The following SMYD3 variants were observed in gnomAD, a reference collection of about 807,000 sequenced individuals.
SMYD3 encodes SET and MYND domain containing 3.
In SMYD3, 36 loss-of-function variants were observed where a neutral mutation model predicts 57.7. That is an observed-to-expected ratio of 0.62 (90% CI 0.48 to 0.82). The LOEUF (loss-of-function observed/expected upper bound fraction) is 0.82. SMYD3 is among the 40% of genes least tolerant of loss of function. SMYD3 has a pLI of 0.00. For synonymous variants in SMYD3, 211 were observed against 195.0 expected (o/e 1.08, Z -0.68); for missense variants, 515 against 538.8 (o/e 0.96, Z 0.44).
Position 246,327,170 on chromosome 1 carries a change from G to A in SMYD3, c.531+31C>T, listed in dbSNP as rs376088410. On this transcript the variant is annotated intron_variant, in intron 5 of 11. Coordinates refer to ENST00000490107, the MANE Select transcript of SMYD3 (RefSeq NM_001167740.2). ...AATAAGGAGCAAATGGTTGATGTAT[G>A]GAATTAGCAAAGAGCAAACTTAACA... The A allele has an allele frequency of 4.3e-6, 7 of 1,611,706 alleles. No homozygotes were observed. The African/African-American group carries it at 9.4e-5, about 22-fold the overall frequency.
chr1:246,155,767 G>T (rs954562676), intron 5 of SMYD3, among the ~76,000 whole-genome samples: 1 of 152,176 alleles, frequency 6.6e-6, no homozygotes, highest in South Asian at 2.1e-4. Flanking sequence ...ATCACTTGAG[G>T]TCAGGAGTTC....
At chr1:245,893,510 A>G (rs1308865820) in intron 8 of SMYD3, among the ~76,000 whole-genome samples, 1 of 150,930 alleles carries the variant, frequency 6.6e-6, no homozygotes, top group African/African-American at 2.4e-5. Flanking sequence ...GTAATGGAAT[A>G]CTACTTGGCA....
intron 10 of SMYD3, among the ~76,000 whole-genome samples, chr1:245,775,724 A>AAT (rs768864613): frequency 0.18 from 26,184 of 143,582 alleles, 2,630 homozygotes; most frequent in East Asian, 0.53. Flanking sequence ...CTAAAAAAAA[A>AAT]AAAAAATAAA....
chr1:245,830,480 TG>T (rs1452788702), intron 10 of SMYD3, among the ~76,000 whole-genome samples: 1 of 152,096 alleles, frequency 6.6e-6, no homozygotes, highest in Non-Finnish European at 1.5e-5. Context: ...CCTTGACATG[TG>T]GGGATTATTA....
intron 5 of SMYD3, among the ~76,000 whole-genome samples, chr1:246,037,913 C>T (rs1432264123): frequency 6.6e-6 from 1 of 152,108 alleles, no homozygotes; most frequent in Non-Finnish European, 1.5e-5. Flanking sequence ...TGTGAAGTGC[C>T]AGATAATAAA....
chr1:246,387,158 A>T (rs1166074592), intron 1 of SMYD3, among the ~76,000 whole-genome samples: 1 of 152,222 alleles, frequency 6.6e-6, no homozygotes, highest in African/African-American at 2.4e-5. Context: ...CTGTGGATAA[A>T]TATCCCTTCT....
At chr1:246,245,868 C>T (rs561365012) in intron 5 of SMYD3, among the ~76,000 whole-genome samples, 42 of 152,172 alleles carry the variant, frequency 2.8e-4, no homozygotes, top group Non-Finnish European at 5.1e-4. Flanking sequence ...TAGTTTTTTT[C>T]CATTTCTGTA....
intron 5 of SMYD3, among the ~76,000 whole-genome samples, chr1:246,231,009 T>G (rs1427296707): frequency 6.6e-6 from 1 of 152,190 alleles, no homozygotes; most frequent in African/African-American, 2.4e-5. Context: ...ATGATGTATA[T>G]TTTCACCTGA....
chr1:246,466,038 C>G (rs1221653747), intron 1 of SMYD3, among the ~76,000 whole-genome samples: 1 of 152,206 alleles, frequency 6.6e-6, no homozygotes, highest in South Asian at 2.1e-4. Flanking sequence ...TCCCAAAGTG[C>G]TGGGATTAGA....
intron 5 of SMYD3, among the ~76,000 whole-genome samples, chr1:246,317,495 G>T (rs562995836): frequency 1.3e-5 from 2 of 152,254 alleles, no homozygotes; most frequent in Non-Finnish European, 2.9e-5. Flanking sequence ...TGGTTGGGGA[G>T]AAATAGAAAG....
intron 10 of SMYD3, among the ~76,000 whole-genome samples, chr1:245,772,776 A>G (rs1185480762): frequency 1.3e-5 from 2 of 152,216 alleles, no homozygotes; most frequent in African/African-American, 4.8e-5. Flanking sequence ...ATAAGAATAA[A>G]AGAGACTTTC....
intron 5 of SMYD3, chr1:245,956,075 C>T: frequency 1.0e-6 from 1 of 981,690 alleles, no homozygotes; most frequent in Non-Finnish European, 1.2e-6. Context: ...AAATAGATAA[C>T]ATTATTTTCT....
intron 10 of SMYD3, among the ~76,000 whole-genome samples, chr1:245,794,917 GAATA>G (rs1191674131): frequency 6.6e-6 from 1 of 151,938 alleles, no homozygotes; most frequent in Non-Finnish European, 1.5e-5. Context: ...TAAGGATTTG[GAATA>G]AATTGAAAAC....
intron 1 of SMYD3, among the ~76,000 whole-genome samples, chr1:246,465,963 G>A (rs2067875553): frequency 6.6e-6 from 1 of 152,126 alleles, no homozygotes; most frequent in Admixed American, 6.5e-5. Flanking sequence ...GTAGAGATGG[G>A]GTTTTGCCAC....
Position 246,376,365 on chromosome 1 carries a change from C to T in SMYD3, c.165-21271G>A, listed in dbSNP as rs575169512. ...TAGCACTTTGGGAGGCCGAGGTGAG[C>T]GGATCACCTGAGGTCAGGAGTTCAA... is the stretch of plus-strand genomic sequence containing the variant. On this transcript the variant is annotated intron_variant, in intron 1 of 11. Transcript: ENST00000490107. 2.7e-4 allele frequency among the ~76,000 whole-genome samples: 41 copies of T among 151,816 alleles called. No homozygotes were observed. The South Asian group carries it at 3.3e-3, about 12-fold the overall frequency.
chr1:245,825,584 G>C (rs1248550612), intron 10 of SMYD3, among the ~76,000 whole-genome samples: 1 of 152,122 alleles, frequency 6.6e-6, no homozygotes, highest in East Asian at 1.9e-4. Flanking sequence ...TGGGCATCTT[G>C]TCCCCCTCTC....
chr1:246,280,088 G>A (rs772832982), intron 5 of SMYD3, among the ~76,000 whole-genome samples: 7 of 152,242 alleles, frequency 4.6e-5, no homozygotes, highest in Non-Finnish European at 7.4e-5. Flanking sequence ...TCATATCCAC[G>A]AAGATAACAA....
chr1:245,869,708 G>T (rs2052072558), intron 8 of SMYD3, among the ~76,000 whole-genome samples: 1 of 151,946 alleles, frequency 6.6e-6, no homozygotes, highest in Admixed American at 6.6e-5. Context: ...TCCCCTCACA[G>T]CTCCACCCCA....
At chr1:246,035,504 T>C (rs1203175674) in intron 5 of SMYD3, 1 of 152,226 alleles carries the variant, frequency 6.6e-6, no homozygotes, top group African/African-American at 2.4e-5. Context: ...GACTGTCGTT[T>C]CACGAGGTGA....
Sources: gnomAD v4.1 joint callset for allele counts (sites outside exome capture counted in the v4.1 genomes callset) on GRCh38, gnomAD v4.1.1 for gene constraint, MANE v1.5 for transcripts, NCBI Gene and HGNC (gene_info 2026-07-23, HGNC 2026-07-21) for gene names.